MICU1: variants seen among roughly 807,000 people sequenced by gnomAD.
MICU1 encodes the protein mitochondrial calcium uptake 1.
In MICU1, 45 loss-of-function variants were observed where a neutral mutation model predicts 56.8. That is an observed-to-expected ratio of 0.79 (90% CI 0.62 to 1.02). The LOEUF (loss-of-function observed/expected upper bound fraction) is 1.02, where lower values mean the gene tolerates loss of function less well. MICU1 is among the 50% of genes least tolerant of loss of function. The probability of loss-of-function intolerance (pLI) is 0.00; values close to 1 mark genes in which losing one functional copy is unlikely to be tolerated. For synonymous variants in MICU1, 186 were observed against 195.1 expected (o/e 0.95, Z 0.39); for missense variants, 504 against 587.1 (o/e 0.86, Z 1.46).
chr10:72,550,737 T>A (rs1394570876), intron 4 of MICU1, among the ~76,000 whole-genome samples: 1 of 152,238 alleles, frequency 6.6e-6, no homozygotes, highest in Non-Finnish European at 1.5e-5. Context: ...TGGTACTGCA[T>A]AAGTTTTGGG....
chr10:72,384,140 C>T (rs532434086), intron 10 of MICU1, among the ~76,000 whole-genome samples: 146 of 152,244 alleles, frequency 9.6e-4, no homozygotes, highest in African/African-American at 3.3e-3. Context: ...ACTACAGGCT[C>T]GCGCCACCAT....
intron 9 of MICU1, among the ~76,000 whole-genome samples, chr10:72,419,927 G>A (rs1864099591): frequency 1.3e-5 from 2 of 152,164 alleles, no homozygotes; most frequent in African/African-American, 4.8e-5. Context: ...CCTGGTGAAA[G>A]GTAATTGAAT....
intron 6 of MICU1, among the ~76,000 whole-genome samples, chr10:72,486,325 C>A (rs1007825328): frequency 5.3e-5 from 8 of 152,060 alleles, no homozygotes; most frequent in Non-Finnish European, 1.2e-4. Flanking sequence ...AGGACTAGCA[C>A]AATACATCAA....
chr10:72,388,954 C>T (rs1278555355), intron 10 of MICU1, among the ~76,000 whole-genome samples: 7 of 152,218 alleles, frequency 4.6e-5, no homozygotes, highest in Non-Finnish European at 1.5e-5. Context: ...ATATTTTCCT[C>T]ATCCATAAAG....
intron 1 of MICU1, among the ~76,000 whole-genome samples, chr10:72,596,440 A>G (rs541895737): frequency 1.1e-3 from 172 of 152,270 alleles, no homozygotes; most frequent in African/African-American, 3.9e-3. Context: ...TGTCTCAAAA[A>G]AAGATTTTTT....
intron 6 of MICU1, among the ~76,000 whole-genome samples, chr10:72,506,944 A>G (rs1412150214): frequency 1.3e-5 from 2 of 152,174 alleles, no homozygotes; most frequent in African/African-American, 4.8e-5. Flanking sequence ...TGGTGTCCCA[A>G]AGTCAGCTGT....
intron 1 of MICU1, among the ~76,000 whole-genome samples, chr10:72,591,820 C>A (rs143409867): frequency 1.3e-5 from 2 of 151,922 alleles, no homozygotes; most frequent in African/African-American, 4.8e-5. Context: ...CACACCAGAC[C>A]GAGCAACATG....
intron 1 of MICU1, among the ~76,000 whole-genome samples, chr10:72,584,643 C>T (rs1840996496): frequency 6.6e-6 from 1 of 151,920 alleles, no homozygotes; most frequent in Non-Finnish European, 1.5e-5. Flanking sequence ...GCCTCCACCT[C>T]CTGGGCTCAA....
intron 1 of MICU1, among the ~76,000 whole-genome samples, chr10:72,623,622 T>C (rs888938839): frequency 2.2e-4 from 34 of 152,018 alleles, no homozygotes; most frequent in Non-Finnish European, 4.6e-4. Flanking sequence ...GTGGATCACC[T>C]GAGGTCGTCA....
At chr10:72,480,627 T>C (rs1217684839) in intron 6 of MICU1, among the ~76,000 whole-genome samples, 2 of 152,236 alleles carry the variant, frequency 1.3e-5, no homozygotes, top group African/African-American at 4.8e-5. Flanking sequence ...TCCAGAGGAA[T>C]ACAGCCCAAA....
At chr10:72,619,017 T>C (rs929951869) in intron 1 of MICU1, among the ~76,000 whole-genome samples, 1 of 152,264 alleles carries the variant, frequency 6.6e-6, no homozygotes, top group Non-Finnish European at 1.5e-5. Context: ...TTTGTTGATA[T>C]GTGGTAGAAT....
At chr10:72,525,442 G>C (rs1336269136) in intron 5 of MICU1, among the ~76,000 whole-genome samples, 4 of 152,108 alleles carry the variant, frequency 2.6e-5, no homozygotes, top group Non-Finnish European at 4.4e-5. Flanking sequence ...GGGATTTTAC[G>C]GCACAGGAAT....
At chr10:72,592,052 C>T (rs1462225082) in intron 1 of MICU1, among the ~76,000 whole-genome samples, 1 of 150,032 alleles carries the variant, frequency 6.7e-6, no homozygotes, top group East Asian at 2.0e-4. Flanking sequence ...CTCTGTCATC[C>T]AGGCCGGAAT....
At position 72,551,167 on chromosome 10, in the gene MICU1, T is replaced by C. The variant is rs2132443810; in HGVS notation, c.493+12A>G. On this transcript the variant is annotated intron_variant, in intron 4 of 11. Transcript: ENST00000361114. ...AAATATCACAGTCTTATATTTCACTTTAGCAACTTACGTTCTGGTTGTTTT... is the reference window on the plus strand; with the variant it reads ...AAATATCACAGTCTTATATTTCACTCTAGCAACTTACGTTCTGGTTGTTTT... 3 of 1,591,570 alleles carry C rather than the reference T, an allele frequency of 1.9e-6. No homozygotes were observed. Among genetic ancestry groups the C allele is most frequent in the Non-Finnish European group, 2.6e-6 (3 of 1,169,412 alleles).
chr10:72,592,368 G>A (rs1227499729), intron 1 of MICU1, among the ~76,000 whole-genome samples: 1 of 152,056 alleles, frequency 6.6e-6, no homozygotes, highest in African/African-American at 2.4e-5. Context: ...TCCTGGTCCA[G>A]ATGGTTTCAC....
intron 8 of MICU1, among the ~76,000 whole-genome samples, chr10:72,459,377 T>C (rs1408058027): frequency 6.6e-6 from 1 of 152,130 alleles, no homozygotes; most frequent in Non-Finnish European, 1.5e-5. Context: ...ATAACCTTAT[T>C]GTATATTGAT....
rs201693523 is a variant in MICU1 at position 72,540,371 on chromosome 10, T to TA, written c.494-6583dup. Reference sequence around the variant, plus strand: ...TCACTGCAGTATGGTTTGTAATGATTAAAAAAAAAAACTGGCATGGAGCCA... The same window carrying TA: ...TCACTGCAGTATGGTTTGTAATGATTAAAAAAAAAAAACTGGCATGGAGCCA... On this transcript the variant is annotated intron_variant, in intron 4 of 11. Transcript: ENST00000361114. Among the ~76,000 whole-genome samples the TA allele has an allele frequency of 6.4e-3, 928 of 145,676 alleles. 2 individuals are homozygous for TA. Among genetic ancestry groups the TA allele is most frequent in the East Asian group, 0.024 (120 of 5,068 alleles).
At chr10:72,603,235 A>G (rs1841590840) in intron 1 of MICU1, among the ~76,000 whole-genome samples, 1 of 150,500 alleles carries the variant, frequency 6.6e-6, no homozygotes, top group Non-Finnish European at 1.5e-5. Context: ...GAAAACACAA[A>G]AATTAGCCAG....
At chr10:72,547,894 A>T (rs1019187986) in intron 4 of MICU1, among the ~76,000 whole-genome samples, 3 of 152,238 alleles carry the variant, frequency 2.0e-5, no homozygotes, top group Non-Finnish European at 4.4e-5. Flanking sequence ...GTATGTTATT[A>T]AGTTGACTAC....
Sources: allele counts gnomAD v4.1 joint callset (sites outside exome capture counted in the v4.1 genomes callset), GRCh38; gene constraint gnomAD v4.1.1; transcripts MANE v1.5; gene names NCBI Gene and HGNC (gene_info 2026-07-23, HGNC 2026-07-21).